FANCA: variants seen among roughly 807,000 people sequenced by gnomAD.
FANCA encodes FA complementation group A.
A neutral mutation model predicts 194.3 loss-of-function variants in FANCA; 236 were observed. The observed-to-expected ratio is 1.21, with a 90% CI of 1.09 to 1.35. FANCA has a LOEUF of 1.35. FANCA is among the 40% of genes most tolerant of loss of function. The pLI is 0.00. For synonymous variants in FANCA, 1,014 were observed against 715.8 expected (o/e 1.42, Z -6.65); for missense variants, 2,628 against 1,813.9 (o/e 1.45, Z -8.15).
intron 10 of FANCA, among the ~76,000 whole-genome samples, chr16:89,796,851 T>C (rs1191004095): frequency 6.6e-6 from 1 of 151,920 alleles, no homozygotes; most frequent in Non-Finnish European, 1.5e-5. Context: ...TGAAACCCCA[T>C]CTACACTAAA....
At chr16:89,811,991 A>G (rs2040900970) in intron 3 of FANCA, among the ~76,000 whole-genome samples, 1 of 149,274 alleles carries the variant, frequency 6.7e-6, no homozygotes, top group Admixed American at 6.6e-5. Flanking sequence ...TCGGCCTCCC[A>G]TACTGCTGGG....
intron 10 of FANCA, 113 bp downstream of exon 10, chr16:89,799,053 T>G: frequency 1.2e-6 from 2 of 1,614,244 alleles, no homozygotes; most frequent in Non-Finnish European, 1.7e-6. Flanking sequence ...GCAGAGGAAG[T>G]GTGCTCAGGA....
At chr16:89,797,074 G>C (rs760602651) in intron 10 of FANCA, among the ~76,000 whole-genome samples, 1 of 152,190 alleles carries the variant, frequency 6.6e-6, no homozygotes, top group African/African-American at 2.4e-5. Flanking sequence ...GCAGGAGAAT[G>C]GTGTGAACCC....
At chr16:89,782,059 C>A (rs913049602) in intron 17 of FANCA, among the ~76,000 whole-genome samples, 1 of 151,734 alleles carries the variant, frequency 6.6e-6, no homozygotes, top group Non-Finnish European at 1.5e-5. Context: ...ACATGACCAT[C>A]TGACATTTGG....
intron 17 of FANCA, 105 bp from the exon 18 acceptor site, chr16:89,780,062 G>T: frequency 3.9e-6 from 4 of 1,020,196 alleles, no homozygotes; most frequent in Non-Finnish European, 3.0e-6. Context: ...GAAAGGCTCT[G>T]TACACATTAA....
intron 29 of FANCA, among the ~76,000 whole-genome samples, chr16:89,761,102 TTAAA>T (rs1439582618): frequency 6.6e-6 from 1 of 152,168 alleles, no homozygotes; most frequent in Non-Finnish European, 1.5e-5. Flanking sequence ...TAAATGTTTC[TTAAA>T]TAAAGGAATA....
chr16:89,769,041 C>T (rs1466302255), intron 26 of FANCA, among the ~76,000 whole-genome samples: 1 of 152,200 alleles, frequency 6.6e-6, no homozygotes, highest in African/African-American at 2.4e-5. Flanking sequence ...GGTGTGGGAT[C>T]CGCACAGCTG....
At chr16:89,768,681 CA>C (rs76040042) in intron 26 of FANCA, among the ~76,000 whole-genome samples, 7 of 147,966 alleles carry the variant, frequency 4.7e-5, no homozygotes, top group Non-Finnish European at 7.6e-5. Flanking sequence ...AACCAAAAAA[CA>C]AAAAAAAAAA....
At position 89,739,237 on chromosome 16, in the gene FANCA, G is replaced by T. The variant is rs1233684652; in HGVS notation, c.4063C>A (p.His1355Asn). ...TTCAAGTACATGTCCACAGCAACATGCAGGAAGGCCTCTTCCCTGATGGCC... is the reference window on the plus strand; with the variant it reads ...TTCAAGTACATGTCCACAGCAACATTCAGGAAGGCCTCTTCCCTGATGGCC... ...DAAIREEAFL[H>N]VAVDMYLKLV... The change falls in exon 41 of 43, where the codon CAT becomes AAT. Residue 1355 changes from histidine to asparagine, a missense_variant. His to Asn is a moderately conservative substitution (Grantham distance 68). Coordinates refer to ENST00000389301, the MANE Select transcript of FANCA (RefSeq NM_000135.4). The T allele has an allele frequency of 6.2e-7, 1 of 1,614,170 alleles. No individual in the cohort carries two copies. The highest frequency in any genetic ancestry group is 2.2e-5 in the East Asian group (1 of 44,896).
At position 89,808,366 on chromosome 16, in the gene FANCA, C is replaced by T; in HGVS notation, c.524G>A (p.Ser175Asn). 6.2e-7 allele frequency: 1 copy of T among 1,614,084 alleles called. No individual in the cohort carries two copies. Among genetic ancestry groups the T allele is most frequent in the Non-Finnish European group, 8.5e-7 (1 of 1,180,008 alleles). ...SFCQELWKIQ[S>N]SLLLEAVWHL... ...CCACACCGCTTCAAGCAACAAAGAA[C>T]TCTGAAAAACAAAACAAAACAAACA... The change falls in exon 6 of 43, where the codon AGT (serine) becomes AAT (asparagine). Residue 175 changes from serine to asparagine, a missense_variant and splice_region_variant. Ser to Asn is a conservative substitution (Grantham distance 46, BLOSUM62 1). Transcript: ENST00000389301.
Position 89,770,246 on chromosome 16 carries a change from C to A in FANCA, c.2236G>T (p.Ala746Ser), listed in dbSNP as rs575108446. The A allele has an allele frequency of 2.4e-4, 382 of 1,579,760 alleles. 3 individuals are homozygous for A. The South Asian group carries it at 3.2e-3, about 13-fold the overall frequency. The change falls in exon 25 of 43, where the codon GCT (alanine) becomes TCT (serine). Residue 746 changes from alanine (A) to serine (S), a missense_variant. Ala to Ser is a moderately conservative substitution (Grantham distance 99). Transcript: ENST00000389301. ...CACATGGTCCTCACGAAGAGGGCAG[C>A]CCAGGGACCCTGCCTGCAGAGACAG... The part of the protein sequence containing the change: ...VAPPERQGPW[A>S]ALFVRTMCGR...
chr16:89,782,819 C>T (rs774455263), intron 17 of FANCA, 40 bp downstream of exon 17: 11 of 1,556,332 alleles, frequency 7.1e-6, no homozygotes, highest in African/African-American at 6.8e-5. Flanking sequence ...GCATGGTGGG[C>T]GTGACTGGCT....
intron 17 of FANCA, among the ~76,000 whole-genome samples, chr16:89,781,527 T>C (rs2039705668): frequency 1.4e-5 from 2 of 144,624 alleles, no homozygotes; most frequent in Admixed American, 1.4e-4. Context: ...TACAAAAAAA[T>C]TAGCTGGGTG....
chr16:89,756,879 C>T (rs1419885538), intron 30 of FANCA, among the ~76,000 whole-genome samples: 2 of 152,220 alleles, frequency 1.3e-5, no homozygotes, highest in African/African-American at 4.8e-5. Context: ...CTGTTACCCC[C>T]AGGCAGGGCT....
chr16:89,809,440 C>T (rs934752674), intron 5 of FANCA, among the ~76,000 whole-genome samples: 2 of 152,078 alleles, frequency 1.3e-5, no homozygotes, highest in African/African-American at 4.8e-5. Context: ...AAAGGCCGGA[C>T]GCAGTGGCTC....
chr16:89,745,286 T>A (rs968689174), intron 35 of FANCA, among the ~76,000 whole-genome samples: 2 of 152,220 alleles, frequency 1.3e-5, no homozygotes. Context: ...AGACGTGGAA[T>A]TTGGAGAAGG....
rs200759940 is a variant in FANCA at position 89,784,814 on chromosome 16, G to C, written c.1470+40C>G. 1.8e-4 allele frequency: 276 copies of C among 1,493,502 alleles called. No individual in the cohort carries two copies. The African/African-American group carries it at 3.4e-3, about 18-fold the overall frequency. 92.5% of individuals were successfully genotyped at this position (1,493,502 alleles called of 1,614,324 possible). On this transcript the variant is annotated intron_variant, in intron 15 of 42. Coordinates refer to ENST00000389301, the MANE Select transcript of FANCA (RefSeq NM_000135.4). ...CAGTCCTCAGATGCAGCAGGTGAGC[G>C]AAGCACCAGAAATCATGGATGTGGC...
At chr16:89,780,814 C>T (rs572980021) in intron 17 of FANCA, among the ~76,000 whole-genome samples, 13 of 151,760 alleles carry the variant, frequency 8.6e-5, no homozygotes, top group Admixed American at 8.5e-4. Flanking sequence ...CTTGTACTCC[C>T]AGTTACTCAG....
At position 89,749,723 on chromosome 16, in the gene FANCA, G is replaced by A. The variant is rs775293779; in HGVS notation, c.3239+7C>T. Reference sequence around the variant, plus strand: ...TGCTGCCCTGCCCAGGTGGTAGTAGGTGTTACCGTTTGTACATTAGCAGCT... The same window carrying A: ...TGCTGCCCTGCCCAGGTGGTAGTAGATGTTACCGTTTGTACATTAGCAGCT... On this transcript the variant is annotated splice_region_variant and intron_variant, in intron 32 of 42. Coordinates refer to ENST00000389301, the MANE Select transcript of FANCA (RefSeq NM_000135.4). 42 of 1,612,874 alleles carry A rather than the reference G, an allele frequency of 2.6e-5. No individual in the cohort carries two copies. Among genetic ancestry groups the A allele is most frequent in the Non-Finnish European group, 3.0e-5 (35 of 1,179,442 alleles).
Sources: gnomAD v4.1 joint callset for allele counts (sites outside exome capture counted in the v4.1 genomes callset) on GRCh38, gnomAD v4.1.1 for gene constraint, MANE v1.5 for transcripts, NCBI Gene and HGNC (gene_info 2026-07-23, HGNC 2026-07-21) for gene names.